Variants in MYO16 observed in about 807,000 individuals in gnomAD.
MYO16 encodes the protein unconventional myosin-XVI.
A neutral mutation model predicts 205.3 loss-of-function variants in MYO16; 94 were observed. The observed-to-expected ratio is 0.46, with a 90% confidence interval of 0.39 to 0.54. The LOEUF is 0.54. MYO16 is among the 20% of genes least tolerant of loss of function. MYO16 has a pLI of 0.00. For synonymous variants in MYO16, 988 were observed against 954.0 expected, an observed-to-expected ratio of 1.04 and a Z score of -0.66; for missense variants, 2,315 against 2,387.5, an observed-to-expected ratio of 0.97 and a Z score of 0.63.
intron 4 of MYO16, among the ~76,000 whole-genome samples, chr13:108,736,391 T>G (rs1443883986): frequency 6.6e-6 from 1 of 152,220 alleles, no homozygotes; most frequent in Non-Finnish European, 1.5e-5. Context: ...CACCATTTAT[T>G]AAATAGGGAA....
At chr13:108,588,605 T>C in the MYO16 span, among the ~76,000 whole-genome samples, 51 of 152,348 alleles carry the variant, frequency 3.3e-4, no homozygotes, top group South Asian at 1.5e-3. Context: ...TTGCAAATAT[T>C]TCCACTTACC....
chr13:108,888,355 C>A lies in MYO16; in HGVS notation c.1554-17C>A. On this transcript the variant is annotated splice_polypyrimidine_tract_variant and intron_variant, in intron 13 of 34. Transcript: ENST00000457511. ...AAGTTCCTTCAAACTTATGTTTTTC[C>A]TCTCTGTTTTCCTTAGTGGAGAAAG... is the stretch of plus-strand genomic sequence containing the variant. 1 of 1,535,750 alleles carries A rather than the reference C, an allele frequency of 6.5e-7. No individual in the cohort carries two copies. Among genetic ancestry groups the A allele is most frequent in the Non-Finnish European group, 8.8e-7 (1 of 1,137,978 alleles).
chr13:108,735,229 A>G (rs991166743), intron 4 of MYO16, among the ~76,000 whole-genome samples: 8 of 151,966 alleles, frequency 5.3e-5, no homozygotes, highest in Admixed American at 2.0e-4. Context: ...CGTCATTTAC[A>G]TTAGGTATAT....
chr13:108,908,977 A>AAAT (rs1414994927), intron 15 of MYO16, among the ~76,000 whole-genome samples: 2 of 146,410 alleles, frequency 1.4e-5, no homozygotes, highest in African/African-American at 5.1e-5. Flanking sequence ...TGTCTCAAAA[A>AAAT]AAATAAAATA....
intron 22 of MYO16, among the ~76,000 whole-genome samples, chr13:109,013,848 T>C (rs922199888): frequency 2.8e-4 from 42 of 152,360 alleles, no homozygotes; most frequent in African/African-American, 9.9e-4. Flanking sequence ...TTAAGTTCTT[T>C]GTAGATTCCG....
chr13:108,988,181 G>A (rs1378457548), intron 20 of MYO16, among the ~76,000 whole-genome samples: 2 of 152,166 alleles, frequency 1.3e-5, no homozygotes, highest in African/African-American at 2.4e-5. Flanking sequence ...TAAGTTAAAT[G>A]CCTGTGGAAT....
rs772033591 is a variant in MYO16 at position 108,962,488 on chromosome 13, T to TTTTAAAGGTAATTA, written c.2227+6_2227+7insATTTAAAGGTAATT. The TTTTAAAGGTAATTA allele has an allele frequency of 1.9e-6, 3 of 1,575,360 alleles. No homozygotes were observed. The highest frequency in any genetic ancestry group is 2.8e-5 in the African/African-American group (2 of 72,456). On this transcript the variant is annotated frameshift_variant, in exon 19 of 35. Coordinates refer to ENST00000457511, the MANE Select transcript of MYO16 (RefSeq NM_001198950.3). LOFTEE classifies it high-confidence loss of function. ...CTGCCTTAACAACTGATATTCAATA[T>TTTTAAAGGTAATTA]TTTAAAGGTAATTTTTTTATGCTCT...
intron 23 of MYO16, among the ~76,000 whole-genome samples, chr13:109,042,142 G>A (rs143945591): frequency 1.2e-3 from 182 of 152,322 alleles, no homozygotes; most frequent in African/African-American, 4.0e-3. Context: ...GAGATTACAG[G>A]CATGAGCCAC....
intron 3 of MYO16, among the ~76,000 whole-genome samples, chr13:108,713,940 C>T (rs1414247552): frequency 1.3e-5 from 2 of 152,160 alleles, no homozygotes; most frequent in African/African-American, 2.4e-5. Flanking sequence ...TCTCATTAGT[C>T]CCTAGATCCT....
rs377308617 is a variant in MYO16 at position 109,055,642 on chromosome 13, G to C, written c.3335+47G>C. 201 of 1,481,702 alleles carry C rather than the reference G, an allele frequency of 1.4e-4. No homozygotes were observed. The highest frequency in any genetic ancestry group is 1.7e-4 in the Non-Finnish European group (184 of 1,071,998). 91.8% of individuals were successfully genotyped at this position (1,481,702 alleles called of 1,614,324 possible). A position where few individuals can be genotyped will look rare whatever the true frequency, so the allele number is the denominator to read the frequency against. Reference sequence around the variant, plus strand: ...ATCGTCGTTCTCGCTGCTGTTCAGTGCAGTGTACTGACACTGACACTATTG... The same window carrying C: ...ATCGTCGTTCTCGCTGCTGTTCAGTCCAGTGTACTGACACTGACACTATTG... On this transcript the variant is annotated intron_variant, in intron 27 of 34. Transcript: ENST00000457511. The surrounding 1 kb of genome is among the most constrained non-coding windows in gnomAD (Gnocchi z 5.0).
At chr13:109,028,458 TA>T (rs752106937) in intron 23 of MYO16, 56 of 247,500 alleles carry the variant, frequency 2.3e-4, no homozygotes, top group Middle Eastern at 5.2e-4. Flanking sequence ...GGGAATTTTG[TA>T]AAAAAAATAT....
At chr13:108,719,995 A>T (rs913404463) in intron 3 of MYO16, among the ~76,000 whole-genome samples, 2 of 152,214 alleles carry the variant, frequency 1.3e-5, no homozygotes, top group African/African-American at 2.4e-5. Flanking sequence ...TTAGGATTTT[A>T]AAATTTCTGG....
chr13:109,135,929 T>C (rs1876753641), intron 31 of MYO16, among the ~76,000 whole-genome samples: 1 of 152,174 alleles, frequency 6.6e-6, no homozygotes, highest in Non-Finnish European at 1.5e-5. Context: ...AAGCCCCTCC[T>C]TGATTTTTTC....
chr13:108,556,393 C>A, the MYO16 span, among the ~76,000 whole-genome samples: 2 of 152,026 alleles, frequency 1.3e-5, no homozygotes, highest in African/African-American at 2.4e-5. Flanking sequence ...TGAGTTTGAG[C>A]CTTTTTTTTG....
At chr13:109,044,073 G>T (rs1279056959) in intron 23 of MYO16, among the ~76,000 whole-genome samples, 1 of 152,030 alleles carries the variant, frequency 6.6e-6, no homozygotes, top group South Asian at 2.1e-4. Context: ...AAATGATACC[G>T]AATTACAGTC....
At chr13:108,497,424 T>A in the MYO16 span, among the ~76,000 whole-genome samples, 2 of 152,228 alleles carry the variant, frequency 1.3e-5, no homozygotes, top group Non-Finnish European at 2.9e-5. Context: ...GATTAACTTT[T>A]GTAAGCATAT....
chr13:108,953,803 G>T (rs1333005349), intron 16 of MYO16, among the ~76,000 whole-genome samples: 1 of 152,124 alleles, frequency 6.6e-6, no homozygotes, highest in Non-Finnish European at 1.5e-5. Flanking sequence ...CATTTCTAGT[G>T]AAATCATCCT....
At chr13:108,733,761 GACCATCC>G (rs1245537304) in intron 4 of MYO16, among the ~76,000 whole-genome samples, 1 of 152,118 alleles carries the variant, frequency 6.6e-6, no homozygotes, top group Non-Finnish European at 1.5e-5. Flanking sequence ...AGGAGATCGA[GACCATCC>G]ACCATCCTGG....
At chr13:108,808,963 G>A (rs1050923386) in intron 7 of MYO16, among the ~76,000 whole-genome samples, 1 of 152,122 alleles carries the variant, frequency 6.6e-6, no homozygotes, top group Non-Finnish European at 1.5e-5. Context: ...ATAAGGCAGA[G>A]AATTAGTGGC....
Sources: gnomAD v4.1 joint callset for allele counts (sites outside exome capture counted in the v4.1 genomes callset) on GRCh38, gnomAD v4.1.1 for gene constraint, Gnocchi (gnomAD v3.1) non-coding constraint, MANE v1.5 for transcripts, NCBI Gene and HGNC (gene_info 2026-07-23, HGNC 2026-07-21) for gene names.